HEMK2: variants seen among roughly 807,000 people sequenced by gnomAD.
HEMK2 encodes the protein methyltransferase HEMK2.
the HEMK2 span, among the ~76,000 whole-genome samples, chr21:28,660,561 T>C: frequency 5.9e-5 from 9 of 151,758 alleles, no homozygotes; most frequent in Non-Finnish European, 5.9e-5. Flanking sequence ...ATGGACTACA[T>C]TGGTTTATGA....
chr21:28,587,175 C>A, the HEMK2 span, among the ~76,000 whole-genome samples: 19 of 144,172 alleles, frequency 1.3e-4, no homozygotes, highest in East Asian at 4.5e-4. Context: ...AGGAAATAAA[C>A]AAAAAAAAAA....
chr21:28,800,035 A>T, the HEMK2 span, among the ~76,000 whole-genome samples: 1 of 152,186 alleles, frequency 6.6e-6, no homozygotes, highest in Non-Finnish European at 1.5e-5. Context: ...AGCTTTGGCA[A>T]TCCTGTTTTA....
chr21:28,662,625 T>G, the HEMK2 span, among the ~76,000 whole-genome samples: 2 of 152,162 alleles, frequency 1.3e-5, no homozygotes, highest in Non-Finnish European at 2.9e-5. Flanking sequence ...AGATGGTTAC[T>G]CCCATGCTGC....
chr21:28,676,976 C>T, the HEMK2 span, among the ~76,000 whole-genome samples: 1 of 152,172 alleles, frequency 6.6e-6, no homozygotes, highest in Non-Finnish European at 1.5e-5. Context: ...GTGAGCGACG[C>T]AAAAGATGGG....
chr21:28,772,512 A>G, the HEMK2 span, among the ~76,000 whole-genome samples: 1 of 152,168 alleles, frequency 6.6e-6, no homozygotes, highest in Non-Finnish European at 1.5e-5. Context: ...GGTAAAGGTT[A>G]TTTATACCTT....
chr21:28,669,252 G>A, the HEMK2 span, among the ~76,000 whole-genome samples: 2 of 152,088 alleles, frequency 1.3e-5, no homozygotes, highest in African/African-American at 2.4e-5. Context: ...CTAGCAACTC[G>A]GGAGGGTGAA....
chr21:28,678,141 C>T, the HEMK2 span, among the ~76,000 whole-genome samples: 4 of 152,090 alleles, frequency 2.6e-5, no homozygotes, highest in Non-Finnish European at 5.9e-5. Flanking sequence ...AAGTTAAAAA[C>T]CTGGAAAAAA....
At chr21:28,868,408 A>G in the HEMK2 span, among the ~76,000 whole-genome samples, 127,606 of 152,230 alleles carry the variant, frequency 0.84, 53,946 homozygotes, top group South Asian at 0.93. Flanking sequence ...TAGGCTGTGC[A>G]TGGTGGCTCA....
chr21:28,709,893 T>C, the HEMK2 span, among the ~76,000 whole-genome samples: 2 of 152,196 alleles, frequency 1.3e-5, no homozygotes. Flanking sequence ...AAGCATTGCT[T>C]TTGACAGATG....
chr21:28,864,678 CT>C, the HEMK2 span, among the ~76,000 whole-genome samples: 7 of 152,274 alleles, frequency 4.6e-5, no homozygotes, highest in East Asian at 1.2e-3. Flanking sequence ...CATCTTCCCC[CT>C]ATTCCATTTT....
the HEMK2 span, among the ~76,000 whole-genome samples, chr21:28,610,675 C>T: frequency 1.3e-5 from 2 of 152,056 alleles, no homozygotes; most frequent in South Asian, 2.1e-4. Context: ...TAAGGACTCA[C>T]ACAAACTTAA....
the HEMK2 span, among the ~76,000 whole-genome samples, chr21:28,710,647 G>C: frequency 0.019 from 2,878 of 152,294 alleles, 95 homozygotes; most frequent in African/African-American, 0.064. Flanking sequence ...CAGTGCTGGG[G>C]AGTGAGGAAG....
At chr21:28,722,161 C>T in the HEMK2 span, among the ~76,000 whole-genome samples, 1 of 149,706 alleles carries the variant, frequency 6.7e-6, no homozygotes, top group Admixed American at 6.7e-5. Context: ...AGTATAGAAA[C>T]GCAGGTCAAA....
At chr21:28,765,275 C>T in the HEMK2 span, among the ~76,000 whole-genome samples, 1 of 152,088 alleles carries the variant, frequency 6.6e-6, no homozygotes, top group Non-Finnish European at 1.5e-5. Context: ...GGTGAGACTG[C>T]AGCTCCATTT....
chr21:28,747,287 TC>T, the HEMK2 span, among the ~76,000 whole-genome samples: 1 of 152,222 alleles, frequency 6.6e-6, no homozygotes, highest in East Asian at 1.9e-4. Context: ...CATTCTGTCT[TC>T]CTGTTTGACC....
the HEMK2 span, among the ~76,000 whole-genome samples, chr21:28,794,919 A>T: frequency 2.0e-5 from 3 of 152,152 alleles, no homozygotes; most frequent in Admixed American, 1.3e-4. Flanking sequence ...GGGGCCCAAG[A>T]GTTGACGATG....
the HEMK2 span, chr21:28,885,171 G>A: frequency 4.0e-6 from 6 of 1,506,738 alleles, no homozygotes; most frequent in Admixed American, 2.0e-5. Flanking sequence ...TCTTCAGAAA[G>A]CCGCAACCCT....
chr21:28,675,058 G>A, the HEMK2 span, among the ~76,000 whole-genome samples: 1 of 152,142 alleles, frequency 6.6e-6, no homozygotes, highest in Non-Finnish European at 1.5e-5. Flanking sequence ...AGCTACCTAA[G>A]GACCTACGGG....
At chr21:28,771,535 A>C in the HEMK2 span, among the ~76,000 whole-genome samples, 1 of 95,892 alleles carries the variant, frequency 1.0e-5, no homozygotes, top group African/African-American at 4.0e-5. Flanking sequence ...CCCGCCAAAG[A>C]ATTGCCTACT....
Sources: allele counts gnomAD v4.1 joint callset (sites outside exome capture counted in the v4.1 genomes callset), GRCh38; gene constraint gnomAD v4.1.1; transcripts MANE v1.5; gene names NCBI Gene and HGNC (gene_info 2026-07-23, HGNC 2026-07-21).